Variants in SGCZ observed in about 807,000 individuals in gnomAD.
SGCZ encodes the protein zeta-sarcoglycan.
Under a neutral mutation model 41.3 loss-of-function variants are expected in SGCZ, and 40 were observed. The ratio of observed to expected loss-of-function variants is 0.97; its 90% confidence interval spans 0.75 to 1.26. The LOEUF (loss-of-function observed/expected upper bound fraction) is 1.26. Ranked by LOEUF, SGCZ falls within the 50% of genes most tolerant of loss-of-function variation. SGCZ has a pLI of 0.00. For synonymous variants in SGCZ, 206 were observed against 137.5 expected (o/e 1.50, Z -3.49); for missense variants, 552 against 369.8 (o/e 1.49, Z -4.04).
intron 2 of SGCZ, among the ~76,000 whole-genome samples, chr8:14,515,387 G>A (rs1027592280): frequency 1.3e-5 from 2 of 152,048 alleles, no homozygotes; most frequent in Admixed American, 6.6e-5. Context: ...TTCAATAGCA[G>A]GAGGGATATC....
intron 1 of SGCZ, among the ~76,000 whole-genome samples, chr8:14,630,183 G>T (rs888593636): frequency 8.6e-5 from 13 of 151,752 alleles, no homozygotes; most frequent in African/African-American, 3.1e-4. Context: ...AGTATAGTAT[G>T]CTCCTCATGT....
intron 1 of SGCZ, among the ~76,000 whole-genome samples, chr8:14,632,914 T>G (rs1215403276): frequency 6.6e-6 from 1 of 152,012 alleles, no homozygotes; most frequent in Non-Finnish European, 1.5e-5. Context: ...AAATGATCAC[T>G]ATGTAAGCAA....
At chr8:14,551,463 ATTATATATATTATATATT>A (rs1803812456) in intron 2 of SGCZ, among the ~76,000 whole-genome samples, 2 of 10,976 alleles carry the variant, frequency 1.8e-4, no homozygotes, top group Admixed American at 2.0e-3. Flanking sequence ...TATTATATAT[ATTATATATATTATATATT>A]ATATATATTA....
intron 1 of SGCZ, among the ~76,000 whole-genome samples, chr8:14,590,783 C>T (rs1000100748): frequency 1.4e-5 from 2 of 147,482 alleles, no homozygotes; most frequent in African/African-American, 2.5e-5. Context: ...AATATAGTAT[C>T]TGTACTTTAT....
intron 1 of SGCZ, among the ~76,000 whole-genome samples, chr8:15,120,155 T>C (rs1295487509): frequency 2.0e-5 from 3 of 152,362 alleles, no homozygotes; most frequent in South Asian, 2.1e-4. Context: ...CCAATTTTTA[T>C]ATTTTTCTAA....
intron 2 of SGCZ, among the ~76,000 whole-genome samples, chr8:14,538,093 G>T (rs773508169): frequency 6.6e-6 from 1 of 151,864 alleles, no homozygotes; most frequent in Non-Finnish European, 1.5e-5. Flanking sequence ...TAAAGTATAT[G>T]TATAGATGTT....
intron 1 of SGCZ, among the ~76,000 whole-genome samples, chr8:14,651,067 G>C (rs73664424): frequency 0.035 from 5,287 of 151,942 alleles, 330 homozygotes; most frequent in African/African-American, 0.12. Flanking sequence ...TCATGAAGCT[G>C]AATAATTAGC....
chr8:14,844,241 G>GA (rs1359457294), intron 1 of SGCZ, among the ~76,000 whole-genome samples: 1 of 151,910 alleles, frequency 6.6e-6, no homozygotes, highest in African/African-American at 2.4e-5. Flanking sequence ...GTGCTATCTA[G>GA]AAAAACAACC....
chr8:14,445,678 G>C (rs1800411013), intron 2 of SGCZ, among the ~76,000 whole-genome samples: 1 of 152,170 alleles, frequency 6.6e-6, no homozygotes, highest in Non-Finnish European at 1.5e-5. Context: ...CACATTGACT[G>C]TGGGTACCCA....
intron 2 of SGCZ, among the ~76,000 whole-genome samples, chr8:14,378,572 C>A (rs902772741): frequency 3.3e-5 from 5 of 152,022 alleles, no homozygotes; most frequent in African/African-American, 1.2e-4. Context: ...TGAACTCAAA[C>A]AAATTTACAA....
chr8:14,094,514 TTTTG>T (rs760820312), intron 7 of SGCZ, among the ~76,000 whole-genome samples: 19 of 152,298 alleles, frequency 1.2e-4, no homozygotes, highest in Admixed American at 6.5e-4. Context: ...ATGTGCCATA[TTTTG>T]TTTATCGAGT....
intron 1 of SGCZ, among the ~76,000 whole-genome samples, chr8:14,916,208 A>G (rs1799432765): frequency 6.6e-6 from 1 of 152,188 alleles, no homozygotes; most frequent in Admixed American, 6.6e-5. Flanking sequence ...TGAGATTTCT[A>G]CTAAAATTCT....
chr8:14,490,481 G>C (rs1346771456), intron 2 of SGCZ, among the ~76,000 whole-genome samples: 3 of 152,088 alleles, frequency 2.0e-5, no homozygotes, highest in African/African-American at 4.8e-5. Flanking sequence ...GAACAATGTA[G>C]GAAACACACT....
intron 2 of SGCZ, among the ~76,000 whole-genome samples, chr8:14,548,471 G>C (rs1432955029): frequency 2.0e-5 from 3 of 152,088 alleles, no homozygotes; most frequent in African/African-American, 4.8e-5. Flanking sequence ...TCCTGATTTA[G>C]TTGTGGGTTT....
intron 1 of SGCZ, among the ~76,000 whole-genome samples, chr8:14,914,868 A>G (rs1316462761): frequency 3.3e-5 from 5 of 152,154 alleles, no homozygotes; most frequent in African/African-American, 9.7e-5. Flanking sequence ...GATGTAGAAG[A>G]GTTTGCTCCT....
At chr8:14,399,009 T>A (rs920668418) in intron 2 of SGCZ, among the ~76,000 whole-genome samples, 1 of 152,118 alleles carries the variant, frequency 6.6e-6, no homozygotes, top group Non-Finnish European at 1.5e-5. Flanking sequence ...TTATTAACAA[T>A]TTTTCCTAAA....
chr8:14,244,725 G>C (rs1197797350), intron 3 of SGCZ, among the ~76,000 whole-genome samples: 1 of 152,094 alleles, frequency 6.6e-6, no homozygotes, highest in African/African-American at 2.4e-5. Context: ...CTACCCATGA[G>C]CATGGAATGT....
At chr8:15,142,762 T>A (rs1375129082) in intron 1 of SGCZ, among the ~76,000 whole-genome samples, 2 of 140,498 alleles carry the variant, frequency 1.4e-5, no homozygotes, top group African/African-American at 2.6e-5. Context: ...CAGGCACACA[T>A]CACCGCACCC....
intron 1 of SGCZ, among the ~76,000 whole-genome samples, chr8:14,715,047 T>G (rs1002650094): frequency 5.9e-5 from 9 of 152,250 alleles, no homozygotes; most frequent in Admixed American, 4.6e-4. Flanking sequence ...GGATTTATTT[T>G]AAAAATATAT....
Sources: allele counts gnomAD v4.1 joint callset (sites outside exome capture counted in the v4.1 genomes callset), GRCh38; gene constraint gnomAD v4.1.1; transcripts MANE v1.5; gene names NCBI Gene and HGNC (gene_info 2026-07-23, HGNC 2026-07-21).